AGAP1: variants seen among roughly 807,000 people sequenced by gnomAD.
AGAP1 encodes arf-GAP with GTPase, ANK repeat and PH domain-containing protein 1.
A neutral mutation model predicts 105.3 loss-of-function variants in AGAP1; 29 were observed. The observed-to-expected ratio is 0.28, with a 90% CI of 0.21 to 0.38. The LOEUF (loss-of-function observed/expected upper bound fraction) is 0.38, where lower values mean the gene tolerates loss of function less well. Among genes scored for constraint, AGAP1 ranks in the 10% least tolerant of loss-of-function variants. The pLI is 1.00. For synonymous variants in AGAP1, 509 were observed against 485.9 expected (o/e 1.05, Z -0.63); for missense variants, 998 against 1,165.1 (o/e 0.86, Z 2.09).
At chr2:236,115,513 G>C (rs2059749712) in intron 16 of AGAP1, among the ~76,000 whole-genome samples, 1 of 152,216 alleles carries the variant, frequency 6.6e-6, no homozygotes, top group African/African-American at 2.4e-5. Flanking sequence ...AAAGTACAGG[G>C]AGCTAAGCTT....
chr2:235,758,145 C>CGTGT (rs146464161), intron 6 of AGAP1, among the ~76,000 whole-genome samples: 7,404 of 151,776 alleles, frequency 0.049, 615 homozygotes, highest in African/African-American at 0.17. Flanking sequence ...TGCATGCGTG[C>CGTGT]ATGTGTGTGT....
chr2:235,774,272 TCCAC>T (rs1253499740), intron 6 of AGAP1: 1 of 450,592 alleles, frequency 2.2e-6, no homozygotes, highest in African/African-American at 2.0e-5. Context: ...GCCTCCCCTA[TCCAC>T]AGCCATCAGA....
intron 13 of AGAP1, among the ~76,000 whole-genome samples, chr2:236,004,819 A>T (rs1286010395): frequency 1.3e-5 from 2 of 152,216 alleles, no homozygotes; most frequent in African/African-American, 4.8e-5. Context: ...ATTGTCATTA[A>T]TTTGTAAAAT....
At chr2:235,568,546 C>A (rs11898109) in intron 1 of AGAP1, among the ~76,000 whole-genome samples, 10 of 151,928 alleles carry the variant, frequency 6.6e-5, no homozygotes, top group African/African-American at 2.2e-4. Context: ...GAGACCCAGA[C>A]GGCAGGAAGG....
intron 17 of AGAP1, among the ~76,000 whole-genome samples, chr2:236,122,656 C>T (rs1012705621): frequency 2.6e-5 from 4 of 151,166 alleles, no homozygotes; most frequent in African/African-American, 9.7e-5. Flanking sequence ...GACATACATC[C>T]GGGCACTGTT....
intron 6 of AGAP1, among the ~76,000 whole-genome samples, chr2:235,759,495 C>T (rs1397435515): frequency 6.6e-6 from 1 of 152,182 alleles, no homozygotes. Context: ...TAGGGCCATC[C>T]AGTGCATGTG....
rs1461226432 is a variant in AGAP1, at chr2:236,020,690, T to C, written c.1646-15871T>C. On this transcript the variant is annotated intron_variant, in intron 13 of 17. Transcript: ENST00000304032. This position sits in a 1 kb window ranked among gnomAD's most constrained non-coding sequence, Gnocchi z 5.0. Reference sequence around the variant, plus strand: ...AGTGCTTCCCACAGAGCTGGGCACATAGGGAAGCTGGCCGCCGTGGCTGCT... The same window carrying C: ...AGTGCTTCCCACAGAGCTGGGCACACAGGGAAGCTGGCCGCCGTGGCTGCT... Among the ~76,000 whole-genome samples, 3 of 152,162 alleles carry C rather than the reference T, an allele frequency of 2.0e-5. No homozygotes were observed. Among genetic ancestry groups the C allele is most frequent in the Non-Finnish European group, 4.4e-5 (3 of 68,026 alleles).
At chr2:235,921,673 A>G (rs2052188439) in intron 11 of AGAP1, among the ~76,000 whole-genome samples, 1 of 152,228 alleles carries the variant, frequency 6.6e-6, no homozygotes, top group Non-Finnish European at 1.5e-5. Flanking sequence ...CTTGATAAAC[A>G]TAACATGGAA....
chr2:236,111,369 A>T (rs1489083590), intron 16 of AGAP1, among the ~76,000 whole-genome samples: 1 of 151,756 alleles, frequency 6.6e-6, no homozygotes, highest in African/African-American at 2.4e-5. Context: ...AAAAAAAATT[A>T]TGCAGGCATG....
intron 1 of AGAP1, among the ~76,000 whole-genome samples, chr2:235,694,478 C>CAAA (rs1055692749): frequency 1.9e-4 from 14 of 73,660 alleles, no homozygotes; most frequent in African/African-American, 4.9e-4. Flanking sequence ...GACTCTGTCT[C>CAAA]AAAAAAAAAA....
chr2:236,047,564 C>T (rs1295026282), intron 15 of AGAP1, among the ~76,000 whole-genome samples: 1 of 149,194 alleles, frequency 6.7e-6, no homozygotes, highest in Non-Finnish European at 1.5e-5. Context: ...CAGTCAGAAC[C>T]TCTCTGAGGT....
At position 236,093,629 on chromosome 2, in the gene AGAP1, T is replaced by C. The variant is rs562569190; in HGVS notation, c.2115-26563T>C. Among the ~76,000 whole-genome samples the C allele has an allele frequency of 2.0e-5, 3 of 152,294 alleles. No individual in the cohort carries two copies. In the East Asian group the frequency reaches 5.8e-4, roughly 29 times the overall value. On this transcript the variant is annotated intron_variant, in intron 16 of 17. Coordinates refer to ENST00000304032, the MANE Select transcript of AGAP1 (RefSeq NM_001037131.3). ...TAAGAGGATGACCAAAGGCAACATATATCCTGGATTGGGAGAGAAATTCAG... is the reference window on the plus strand; with the variant it reads ...TAAGAGGATGACCAAAGGCAACATACATCCTGGATTGGGAGAGAAATTCAG...
rs1006187377 is a variant in AGAP1 at position 235,961,226 on chromosome 2, G to A, written c.1484-7236G>A. On this transcript the variant is annotated intron_variant, in intron 12 of 17. Transcript: ENST00000304032. The surrounding 1 kb of genome is among the most constrained non-coding windows in gnomAD (Gnocchi z 5.9). ...GGAGCACAGGGGGCCGGGAGGGGCT[G>A]GATGCGCCAGTGGCCAGCTTGGGGA... Among the ~76,000 whole-genome samples the A allele has an allele frequency of 6.6e-6, 1 of 152,228 alleles. No homozygotes were observed. Among genetic ancestry groups the A allele is most frequent in the Non-Finnish European group, 1.5e-5 (1 of 68,046 alleles).
chr2:235,890,917 T>C (rs2050507245), intron 10 of AGAP1, among the ~76,000 whole-genome samples: 2 of 116,006 alleles, frequency 1.7e-5, no homozygotes, highest in African/African-American at 5.9e-5. Flanking sequence ...TTGAAGCTAC[T>C]GGGTGTAAGA....
chr2:235,916,084 A>C (rs906864416), intron 11 of AGAP1, among the ~76,000 whole-genome samples: 1 of 152,220 alleles, frequency 6.6e-6, no homozygotes, highest in Non-Finnish European at 1.5e-5. Flanking sequence ...GATAGAAAAA[A>C]AAGACATCTT....
intron 9 of AGAP1, among the ~76,000 whole-genome samples, chr2:235,823,643 C>G (rs1958921732): frequency 6.6e-6 from 1 of 152,156 alleles, no homozygotes; most frequent in African/African-American, 2.4e-5. Context: ...TTGTGCACTT[C>G]TCAAAAAAAT....
rs183937196 is a variant in AGAP1, at chr2:236,114,295, T to G, written c.2115-5897T>G. Among the ~76,000 whole-genome samples, 1 of 152,208 alleles carries G rather than the reference T, an allele frequency of 6.6e-6. No individual in the cohort carries two copies. The highest frequency in any genetic ancestry group is 1.9e-4 in the East Asian group (1 of 5,174). On this transcript the variant is annotated intron_variant, in intron 16 of 17. Transcript: ENST00000304032. This position sits in a 1 kb window ranked among gnomAD's most constrained non-coding sequence, Gnocchi z 5.0. ...AGAATTGCGGCCTCCGAGTGACCAT[T>G]TGAGTCTGTGTGCTTTGACATCATG...
intron 9 of AGAP1, among the ~76,000 whole-genome samples, chr2:235,836,723 C>T (rs1020905239): frequency 6.6e-6 from 1 of 152,170 alleles, no homozygotes; most frequent in Admixed American, 6.5e-5. Flanking sequence ...TTCATCCACT[C>T]TTCTCAAGGA....
chr2:235,710,411 C>G (rs2138497), intron 2 of AGAP1, among the ~76,000 whole-genome samples: 58,173 of 152,126 alleles, frequency 0.38, 11,549 homozygotes, highest in Non-Finnish European at 0.42. Context: ...GTCACTGTGC[C>G]GTCTCTCTCA....
Sources: gnomAD v4.1 joint callset for allele counts (sites outside exome capture counted in the v4.1 genomes callset) on GRCh38, gnomAD v4.1.1 for gene constraint, Gnocchi (gnomAD v3.1) non-coding constraint, MANE v1.5 for transcripts, NCBI Gene and HGNC (gene_info 2026-07-23, HGNC 2026-07-21) for gene names.